The following KRT80 variants were observed in gnomAD, a reference collection of about 807,000 sequenced individuals.
The protein encoded by KRT80 is keratin 80.
In KRT80, 36 loss-of-function variants were observed where a neutral mutation model predicts 51.5. The ratio of observed to expected loss-of-function variants is 0.70; its 90% confidence interval spans 0.54 to 0.92. The LOEUF (loss-of-function observed/expected upper bound fraction) is 0.92. Ranked by LOEUF, KRT80 falls within the 40% of genes least tolerant of loss-of-function variation. KRT80 has a pLI of 0.00. For missense variants in KRT80, 566 were observed against 591.7 expected, an observed-to-expected ratio of 0.96 and a Z score of 0.45; for synonymous variants, 235 against 248.3, an observed-to-expected ratio of 0.95 and a Z score of 0.50.
chr12:52,180,016 T>A (rs1442572291), intron 4 of KRT80, among the ~76,000 whole-genome samples: 1 of 152,240 alleles, frequency 6.6e-6, no homozygotes, highest in Non-Finnish European at 1.5e-5. Context: ...TGGGCCCCAC[T>A]GAGGACTTAG....
chr12:52,187,306 A>G (rs1381378641), intron 1 of KRT80, among the ~76,000 whole-genome samples: 1 of 152,238 alleles, frequency 6.6e-6, no homozygotes, highest in Non-Finnish European at 1.5e-5. Flanking sequence ...GAGAGCTGCC[A>G]GCAGCCTTTT....
At position 52,173,021 on chromosome 12, in the gene KRT80, G is replaced by A. The variant is rs371382259; in HGVS notation, c.957+17C>T. 5.3e-5 allele frequency: 84 copies of A among 1,594,170 alleles called. No homozygotes were observed. The highest frequency in any genetic ancestry group is 6.3e-5 in the Non-Finnish European group (73 of 1,166,376). On this transcript the variant is annotated intron_variant, in intron 6 of 8. Coordinates refer to ENST00000394815, the MANE Select transcript of KRT80 (RefSeq NM_182507.3). Reference sequence around the variant, plus strand: ...TGCTCTCCTCCCCGCCCCCAGGCGCGTCCCCCAGATACTCACATGGCTCTT... The same window carrying A: ...TGCTCTCCTCCCCGCCCCCAGGCGCATCCCCCAGATACTCACATGGCTCTT...
intron 4 of KRT80, among the ~76,000 whole-genome samples, chr12:52,179,539 A>C (rs1941287955): frequency 1.3e-5 from 2 of 152,238 alleles, no homozygotes. Flanking sequence ...CCCAGCTGGC[A>C]GCTGGGACTG....
Position 52,172,236 on chromosome 12 carries a change from G to A in KRT80, c.1140C>T (p.Ile380=), listed in dbSNP as rs1243371862. 9.3e-6 allele frequency: 15 copies of A among 1,613,998 alleles called. No homozygotes were observed. The highest frequency in any genetic ancestry group is 5.0e-5 in the Admixed American group (3 of 60,028). Residue 380 remains isoleucine, a synonymous_variant, in exon 7 of 9, where the codon ATC becomes ATT. Transcript: ENST00000394815. The part of the protein sequence containing the change: ...MNVKLALDIE[I]ATYRKLVEGE... ...CCTCCACCAGCTTCCTGTAGGTGGC[G>A]ATCTCGATGTCCAGGGCCAGCTTGA...
intron 4 of KRT80, among the ~76,000 whole-genome samples, chr12:52,176,357 T>A (rs1294512399): frequency 6.6e-6 from 1 of 152,216 alleles, no homozygotes; most frequent in African/African-American, 2.4e-5. Context: ...GCTGTGCGTG[T>A]GAGCACCCTC....
intron 4 of KRT80, among the ~76,000 whole-genome samples, chr12:52,174,692 G>A (rs10783493): frequency 0.79 from 120,322 of 152,240 alleles, 47,933 homozygotes; most frequent in East Asian, 0.94. Flanking sequence ...GGTGGGCCCC[G>A]GAGCCCCTGT....
In KRT80 at chr12:52,171,189, T is replaced by G; in HGVS notation, c.*209A>C. On this transcript the variant is annotated 3_prime_UTR_variant, in exon 9 of 9. Transcript: ENST00000394815. ...GAAGGATGGGACTGTGAGATACTGA[T>G]ATGGAGCGGAGTGGCTCTGAGGAGC... The G allele has an allele frequency of 1.9e-6, 1 of 518,560 alleles. No individual in the cohort carries two copies. 32.1% of individuals were successfully genotyped at this position (518,560 alleles called of 1,614,324 possible).
At chr12:52,181,283 G>A (rs748254294) in intron 2 of KRT80, among the ~76,000 whole-genome samples, 1 of 152,032 alleles carries the variant, frequency 6.6e-6, no homozygotes, top group Non-Finnish European at 1.5e-5. Context: ...CCCTCACCCT[G>A]GCACTTTATC....
chr12:52,188,374 G>C (rs996612971), intron 1 of KRT80, among the ~76,000 whole-genome samples: 1 of 152,232 alleles, frequency 6.6e-6, no homozygotes, highest in African/African-American at 2.4e-5. Flanking sequence ...GCTGAGGTTA[G>C]GGGAGAGGCA....
chr12:52,191,327 G>A (rs1941477752), intron 1 of KRT80, among the ~76,000 whole-genome samples: 1 of 152,200 alleles, frequency 6.6e-6, no homozygotes, highest in Non-Finnish European at 1.5e-5. Context: ...GTCCCTGCCT[G>A]GGTGGTGGGT....
rs144952026 is a variant in KRT80 at position 52,176,725 on chromosome 12, C to T, written c.667-2961G>A. On this transcript the variant is annotated intron_variant, in intron 4 of 8. Coordinates refer to ENST00000394815, the MANE Select transcript of KRT80 (RefSeq NM_182507.3). ...CGAACTCCTAACCTCAGGTTATCCG[C>T]CCGCTTCGGCCTCCCAAAGTGTTGG... Among the ~76,000 whole-genome samples, 112 of 152,334 alleles carry T rather than the reference C, an allele frequency of 7.4e-4. 1 individual carries two copies. The East Asian group carries it at 0.016, about 22-fold the overall frequency.
At chr12:52,180,130 A>G (rs181692622) in intron 4 of KRT80, among the ~76,000 whole-genome samples, 7 of 152,312 alleles carry the variant, frequency 4.6e-5, no homozygotes, top group African/African-American at 1.4e-4. Flanking sequence ...AGGCTGCAGG[A>G]ATTAGGGAGA....
chr12:52,172,055 G>C, intron 7 of KRT80, 143 bp downstream of exon 7: 2 of 848,972 alleles, frequency 2.4e-6, no homozygotes, highest in Non-Finnish European at 3.6e-6. Flanking sequence ...CAAGGTCCCA[G>C]TTTGTAAGTG....
chr12:52,171,497 C>T lies in KRT80; in HGVS notation c.1260G>A (p.Lys420=), dbSNP rs773092935. The stretch of plus-strand genomic sequence containing the variant: ...TGCCCTTCTTCTTTCGGGAGGGGGC[C>T]TTGGAGAGGCCTGATCTGGAGGCAG... ...KTAASRSGLS[K]APSRKKKGSK... Residue 420 remains lysine, a synonymous_variant, in exon 9 of 9, where the codon AAG becomes AAA. Transcript: ENST00000394815. 59 of 1,613,202 alleles carry T rather than the reference C, an allele frequency of 3.7e-5. 1 individual carries two copies. In the South Asian group the frequency reaches 6.5e-4, roughly 18 times the overall value.
At chr12:52,177,015 A>G (rs905294263) in intron 4 of KRT80, among the ~76,000 whole-genome samples, 2 of 152,250 alleles carry the variant, frequency 1.3e-5, no homozygotes, top group Admixed American at 1.3e-4. Flanking sequence ...AGATGGGGAA[A>G]TTGAGGCATA....
intron 1 of KRT80, among the ~76,000 whole-genome samples, chr12:52,188,241 TTCC>T (rs1191959886): frequency 6.6e-6 from 1 of 152,182 alleles, no homozygotes; most frequent in East Asian, 1.9e-4. Flanking sequence ...TCACCTCTGA[TTCC>T]TCCTCTCTGT....
chr12:52,183,781 A>G (rs952428174), intron 2 of KRT80, among the ~76,000 whole-genome samples: 1 of 152,196 alleles, frequency 6.6e-6, no homozygotes, highest in Admixed American at 6.5e-5. Flanking sequence ...GGCTGGGGTT[A>G]GGGATGGGAC....
intron 1 of KRT80, 119 bp from the exon 2 acceptor site, chr12:52,185,706 C>T: frequency 4.6e-6 from 7 of 1,531,616 alleles, no homozygotes; most frequent in Non-Finnish European, 5.2e-6. Context: ...CATTTATGCA[C>T]ACCACCCAGG....
At position 52,173,714 on chromosome 12, in the gene KRT80, G is replaced by T; in HGVS notation, c.717C>A (p.Gly239=). The T allele has an allele frequency of 6.2e-7, 1 of 1,612,428 alleles. No homozygotes were observed. The highest frequency in any genetic ancestry group is 8.5e-7 in the Non-Finnish European group (1 of 1,180,008). The part of the protein sequence containing the change: ...AQVKDVSVTV[G]MDSRCHIDLS... ...GGTCGATGTGGCAGCGGCTGTCCATGCCGACGGTCACCGACACATCCTTCA... is the reference window on the plus strand; with the variant it reads ...GGTCGATGTGGCAGCGGCTGTCCATTCCGACGGTCACCGACACATCCTTCA... The change falls in exon 5 of 9, where the codon GGC becomes GGA. Residue 239 remains glycine (G), a synonymous_variant. Transcript: ENST00000394815.
Sources: gnomAD v4.1 joint callset for allele counts (sites outside exome capture counted in the v4.1 genomes callset) on GRCh38, gnomAD v4.1.1 for gene constraint, MANE v1.5 for transcripts, NCBI Gene and HGNC (gene_info 2026-07-23, HGNC 2026-07-21) for gene names.